Variants in PTPRQ observed in about 807,000 individuals in gnomAD.
PTPRQ encodes the protein protein tyrosine phosphatase receptor type Q.
Under a neutral mutation model 246.0 loss-of-function variants are expected in PTPRQ, and 199 were observed. That is an observed-to-expected ratio of 0.81 (90% CI 0.72 to 0.91). The LOEUF (loss-of-function observed/expected upper bound fraction) is 0.91. PTPRQ is among the 40% of genes least tolerant of loss of function. PTPRQ has a pLI of 0.00. For synonymous variants in PTPRQ, 869 were observed against 853.2 expected (o/e 1.02, Z -0.32); for missense variants, 2,624 against 2,528.4 (o/e 1.04, Z -0.81).
chr12:80,601,833 T>C (rs965710643), intron 26 of PTPRQ, among the ~76,000 whole-genome samples: 3 of 151,830 alleles, frequency 2.0e-5, no homozygotes, highest in African/African-American at 7.2e-5. Context: ...TCATCTGTTA[T>C]GTATAATTAC....
intron 42 of PTPRQ, 128 bp downstream of exon 42, chr12:80,670,620 T>C (rs1900939838): frequency 7.6e-7 from 1 of 1,319,388 alleles, no homozygotes; most frequent in South Asian, 1.9e-5. Context: ...ATTTCACATT[T>C]AGCATTTCTA....
Position 80,613,828 on chromosome 12 carries a change from A to T in PTPRQ, c.5155A>T (p.Asn1719Tyr), listed in dbSNP as rs190805076. The change falls in exon 29 of 45, where the codon AAT becomes TAT. Residue 1719 changes from asparagine (N) to tyrosine (Y), a missense_variant. Asn to Tyr is a moderately radical substitution (Grantham distance 143). Coordinates refer to ENST00000644991, the MANE Select transcript of PTPRQ (RefSeq NM_001145026.2). ...AGGACTAAAAGGTGGACATACATAC[A>T]ATATCAGTGTAAGAATCCGTAGCTT... ...LEGLKGGHTY[N>Y]ISVYAVNSAG... 6.6e-7 allele frequency: 1 copy of T among 1,525,634 alleles called. No individual in the cohort carries two copies. Among genetic ancestry groups the T allele is most frequent in the South Asian group, 1.3e-5 (1 of 78,912 alleles). 94.5% of individuals were successfully genotyped at this position (1,525,634 alleles called of 1,614,324 possible). A position where few individuals can be genotyped will look rare whatever the true frequency, so the allele number is the denominator to read the frequency against.
chr12:80,632,525 C>A (rs1419891169), intron 34 of PTPRQ, among the ~76,000 whole-genome samples: 2 of 152,042 alleles, frequency 1.3e-5, no homozygotes, highest in Non-Finnish European at 2.9e-5. Flanking sequence ...GAACAGAAAA[C>A]ATTTAATGTA....
intron 17 of PTPRQ, among the ~76,000 whole-genome samples, chr12:80,524,635 G>T (rs1895625481): frequency 1.3e-5 from 2 of 152,116 alleles, no homozygotes; most frequent in Admixed American, 1.3e-4. Context: ...TCTGTTGGTT[G>T]ACAGGCTTAG....
intron 14 of PTPRQ, 103 bp downstream of exon 14, chr12:80,496,634 C>A: frequency 7.4e-7 from 1 of 1,348,052 alleles, no homozygotes; most frequent in African/African-American, 1.5e-5. Flanking sequence ...TAAAATCCCT[C>A]ATTATTTTGT....
intron 35 of PTPRQ, among the ~76,000 whole-genome samples, chr12:80,646,904 G>C (rs1183097482): frequency 1.3e-5 from 2 of 152,092 alleles, no homozygotes; most frequent in Non-Finnish European, 2.9e-5. Context: ...CTGAAATGAA[G>C]AATAGAGATG....
intron 26 of PTPRQ, among the ~76,000 whole-genome samples, chr12:80,590,320 C>T (rs1897751503): frequency 6.6e-6 from 1 of 152,154 alleles, no homozygotes; most frequent in African/African-American, 2.4e-5. Context: ...GCCTCCTACA[C>T]TGCCAGACTG....
chr12:80,518,098 C>A (rs1895360754), intron 17 of PTPRQ, among the ~76,000 whole-genome samples: 1 of 152,084 alleles, frequency 6.6e-6, no homozygotes, highest in African/African-American at 2.4e-5. Context: ...GTATTCCCAC[C>A]AACAGTGTAC....
chr12:80,496,529 C>G lies in PTPRQ; in HGVS notation c.2270C>G (p.Thr757Ser). 4.1e-6 allele frequency: 6 copies of G among 1,480,036 alleles called. No homozygotes were observed. Among genetic ancestry groups the G allele is most frequent in the Non-Finnish European group, 5.4e-6 (6 of 1,115,498 alleles). The allele number at this position is 1,480,036 out of a possible 1,614,324, so 91.7% of individuals were successfully genotyped here. ...TTACTCTCTGTAAGGACTTCGGAGA[C>G]TGGTGAGCTTTTGTTTTCTTTGTTT... ...SSLLSVRTSE[T>S]VPDSAPENIT... Residue 757 changes from threonine (T) to serine (S), a missense_variant and splice_region_variant, in exon 14 of 45, where the codon ACT becomes AGT. Thr to Ser is a moderately conservative substitution (Grantham distance 58). Coordinates refer to ENST00000644991, the MANE Select transcript of PTPRQ (RefSeq NM_001145026.2).
intron 27 of PTPRQ, among the ~76,000 whole-genome samples, chr12:80,609,664 T>C (rs905669992): frequency 9.3e-5 from 14 of 150,580 alleles, no homozygotes; most frequent in African/African-American, 2.4e-4. Context: ...TTAATAATTA[T>C]GACATCCACA....
In PTPRQ at chr12:80,605,145, A is replaced by G. The variant is rs1262103251; in HGVS notation, c.4696A>G (p.Thr1566Ala). ...SISWSEPAVITGPTCYLIDVK... is the reference protein window; with the variant it reads ...SISWSEPAVIAGPTCYLIDVK... ...AAGCTGGAGTGAACCTGCTGTCATTACTGGACCAACATGTTATCTGATTGA... is the reference window on the plus strand; with the variant it reads ...AAGCTGGAGTGAACCTGCTGTCATTGCTGGACCAACATGTTATCTGATTGA... Residue 1566 changes from threonine (T) to alanine (A), a missense_variant, in exon 27 of 45, where the codon ACT (threonine) becomes GCT (alanine). Transcript: ENST00000644991. The G allele has an allele frequency of 6.5e-7, 1 of 1,545,094 alleles. No homozygotes were observed. The highest frequency in any genetic ancestry group is 1.4e-5 in the African/African-American group (1 of 72,610).
chr12:80,595,357 G>A (rs1324423144), intron 26 of PTPRQ, among the ~76,000 whole-genome samples: 1 of 152,022 alleles, frequency 6.6e-6, no homozygotes, highest in Non-Finnish European at 1.5e-5. Context: ...GAATATGGAA[G>A]AAAGGCATTT....
intron 35 of PTPRQ, among the ~76,000 whole-genome samples, chr12:80,642,533 T>C (rs1019761351): frequency 6.6e-6 from 1 of 152,210 alleles, no homozygotes; most frequent in Non-Finnish European, 1.5e-5. Flanking sequence ...TCTGCCACAC[T>C]GGGGATCATA....
At chr12:80,562,511 G>A (rs891920533) in intron 25 of PTPRQ, among the ~76,000 whole-genome samples, 13 of 152,014 alleles carry the variant, frequency 8.6e-5, no homozygotes, top group African/African-American at 1.9e-4. Context: ...AACACTTCTC[G>A]ATAATTCATA....
At chr12:80,468,249 A>G (rs1893504685) in intron 6 of PTPRQ, among the ~76,000 whole-genome samples, 1 of 152,148 alleles carries the variant, frequency 6.6e-6, no homozygotes, top group Non-Finnish European at 1.5e-5. Flanking sequence ...TTGATACAAA[A>G]AGTAAAAATT....
At chr12:80,452,996 G>C (rs1002211427) in intron 3 of PTPRQ, among the ~76,000 whole-genome samples, 4 of 152,118 alleles carry the variant, frequency 2.6e-5, no homozygotes, top group African/African-American at 9.7e-5. Context: ...ATCACTTTCA[G>C]GTATACCAAT....
intron 23 of PTPRQ, among the ~76,000 whole-genome samples, chr12:80,543,253 G>T (rs74108895): frequency 6.6e-6 from 1 of 151,910 alleles, no homozygotes; most frequent in African/African-American, 2.4e-5. Context: ...TTTTAGAAAG[G>T]TATTCATCTT....
chr12:80,620,007 C>T (rs1898916978), intron 31 of PTPRQ, 147 bp from the exon 32 acceptor site: 2 of 995,940 alleles, frequency 2.0e-6, no homozygotes, highest in Non-Finnish European at 1.4e-6. Flanking sequence ...GGGTTACCTG[C>T]CTATACAGGT....
Position 80,534,125 on chromosome 12 carries a change from G to T in PTPRQ, c.2789G>T (p.Gly930Val). The T allele has an allele frequency of 3.2e-6, 5 of 1,541,486 alleles. No homozygotes were observed. Among genetic ancestry groups the T allele is most frequent in the Non-Finnish European group, 4.4e-6 (5 of 1,142,402 alleles). ...SAYVTASTRFGDGKTRSNIIS... is the reference protein window; with the variant it reads ...SAYVTASTRFVDGKTRSNIIS... ...TATGTAACAGCTAGCACCAGATTTG[G>T]TGATGGGAAAACAAGAAGCAATATC... The change falls in exon 18 of 45, where the codon GGT becomes GTT. Residue 930 changes from glycine (G) to valine (V), a missense_variant. By Grantham distance (109) the Gly-to-Val change is moderately radical. Transcript: ENST00000644991.
Sources: gnomAD v4.1 joint callset for allele counts (sites outside exome capture counted in the v4.1 genomes callset) on GRCh38, gnomAD v4.1.1 for gene constraint, MANE v1.5 for transcripts, NCBI Gene and HGNC (gene_info 2026-07-23, HGNC 2026-07-21) for gene names.